GRID1: variants seen among roughly 807,000 people sequenced by gnomAD.
GRID1 encodes glutamate ionotropic receptor delta type subunit 1.
A neutral mutation model predicts 98.0 loss-of-function variants in GRID1; 28 were observed. That is an observed-to-expected ratio of 0.29 (90% confidence interval 0.21 to 0.39). The LOEUF is 0.39. GRID1 is among the 10% of genes least tolerant of loss of function. The probability of loss-of-function intolerance (pLI) is 1.00; values close to 1 mark genes in which losing one functional copy is unlikely to be tolerated. For synonymous variants in GRID1, 553 were observed against 538.5 expected, an observed-to-expected ratio of 1.03 and a Z score of -0.37; for missense variants, 1,111 against 1,340.5, an observed-to-expected ratio of 0.83 and a Z score of 2.67.
chr10:85,699,919 G>A (rs146248231), intron 12 of GRID1, among the ~76,000 whole-genome samples: 99 of 152,258 alleles, frequency 6.5e-4, no homozygotes, highest in African/African-American at 2.1e-3. Flanking sequence ...TTAAATTGCA[G>A]TTTATACCAA....
intron 4 of GRID1, among the ~76,000 whole-genome samples, chr10:86,012,874 C>T (rs558005945): frequency 3.3e-5 from 5 of 152,130 alleles, no homozygotes; most frequent in East Asian, 3.8e-4. Flanking sequence ...TGTTTATAAG[C>T]GAAATCATTT....
At chr10:86,126,299 CA>C (rs1311965604) in intron 4 of GRID1, among the ~76,000 whole-genome samples, 1 of 152,080 alleles carries the variant, frequency 6.6e-6, no homozygotes, top group Non-Finnish European at 1.5e-5. Flanking sequence ...ACTAAAAATA[CA>C]AAAAATTAGC....
At chr10:85,878,356 A>G (rs1172811172) in intron 5 of GRID1, among the ~76,000 whole-genome samples, 3 of 152,172 alleles carry the variant, frequency 2.0e-5, no homozygotes, top group Non-Finnish European at 4.4e-5. Flanking sequence ...AAAAATGTTA[A>G]GGGCAGCCAG....
intron 4 of GRID1, among the ~76,000 whole-genome samples, chr10:85,997,819 C>T (rs1477875642): frequency 1.3e-5 from 2 of 151,940 alleles, no homozygotes; most frequent in African/African-American, 2.4e-5. Context: ...ATGTTGCCTA[C>T]AAGAAACTCA....
chr10:85,935,225 G>A (rs1456925082), intron 4 of GRID1, among the ~76,000 whole-genome samples: 1 of 152,152 alleles, frequency 6.6e-6, no homozygotes, highest in East Asian at 1.9e-4. Context: ...CAGAAAATAA[G>A]AGGCTGAGCC....
Position 85,599,788 on chromosome 10 carries a change from T to TAAAAAA in GRID1, c.*2479_*2484dup, listed in dbSNP as rs1220249442. The TAAAAAA allele has an allele frequency of 3.5e-4, 27 of 76,096 alleles. 3 individuals are homozygous for TAAAAAA. The highest frequency in any genetic ancestry group is 1.9e-3 in the African/African-American group (22 of 11,726). 4.7% of individuals were successfully genotyped at this position (76,096 alleles called of 1,614,324 possible). A position where few individuals can be genotyped will look rare whatever the true frequency, so the allele number is the denominator to read the frequency against. On this transcript the variant is annotated 3_prime_UTR_variant, in exon 16 of 16. Coordinates refer to ENST00000327946, the MANE Select transcript of GRID1 (RefSeq NM_017551.3). The stretch of plus-strand genomic sequence containing the variant: ...CCCTCATGCCAAGGGTAGAAAATTC[T>TAAAAAA]AAAAAAAAAAAAAAATATATATATA...
intron 2 of GRID1, among the ~76,000 whole-genome samples, chr10:86,339,431 A>G (rs767093630): frequency 2.0e-5 from 3 of 152,296 alleles, no homozygotes; most frequent in East Asian, 3.9e-4. Context: ...CTCCACCTAC[A>G]CTAATTAACT....
chr10:85,866,802 T>C (rs1312292715), intron 6 of GRID1, among the ~76,000 whole-genome samples: 1 of 152,216 alleles, frequency 6.6e-6, no homozygotes, highest in Non-Finnish European at 1.5e-5. Context: ...ACTAGAGTTA[T>C]CAGGATTTGA....
intron 2 of GRID1, among the ~76,000 whole-genome samples, chr10:86,282,157 A>G (rs997977179): frequency 1.3e-5 from 2 of 152,164 alleles, no homozygotes; most frequent in African/African-American, 4.8e-5. Flanking sequence ...GAAGAATGAA[A>G]TGGGAAAGTG....
intron 12 of GRID1, among the ~76,000 whole-genome samples, chr10:85,696,932 T>C (rs1841401374): frequency 6.6e-6 from 1 of 152,004 alleles, no homozygotes; most frequent in African/African-American, 2.4e-5. Flanking sequence ...TCCTGTGAAG[T>C]TTCTAGATTG....
At chr10:85,806,667 C>T (rs1372588345) in intron 8 of GRID1, among the ~76,000 whole-genome samples, 1 of 152,150 alleles carries the variant, frequency 6.6e-6, no homozygotes, top group Non-Finnish European at 1.5e-5. Flanking sequence ...AACTCAAAAA[C>T]ATTAGGCTAA....
chr10:86,038,427 T>C (rs1366128984), intron 4 of GRID1, among the ~76,000 whole-genome samples: 3 of 152,184 alleles, frequency 2.0e-5, no homozygotes, highest in Non-Finnish European at 4.4e-5. Context: ...GAGGTACAGC[T>C]CTTGGGCTGC....
At chr10:86,060,413 T>C (rs1843632965) in intron 4 of GRID1, among the ~76,000 whole-genome samples, 1 of 152,176 alleles carries the variant, frequency 6.6e-6, no homozygotes, top group Non-Finnish European at 1.5e-5. Context: ...ACCCACAAGA[T>C]AGATCTGAAC....
chr10:85,801,863 C>T (rs974470901), intron 8 of GRID1, among the ~76,000 whole-genome samples: 10 of 151,766 alleles, frequency 6.6e-5, no homozygotes, highest in Non-Finnish European at 1.3e-4. Flanking sequence ...TTTCAGATTA[C>T]GTGTTTATAT....
intron 4 of GRID1, among the ~76,000 whole-genome samples, chr10:85,958,939 G>A (rs866018613): frequency 1.4e-5 from 2 of 143,930 alleles, no homozygotes; most frequent in East Asian, 2.0e-4. Flanking sequence ...CCTGAGCTAT[G>A]AGAGTGAAAC....
chr10:85,682,929 G>T (rs1841227140), intron 12 of GRID1, among the ~76,000 whole-genome samples: 1 of 152,200 alleles, frequency 6.6e-6, no homozygotes, highest in South Asian at 2.1e-4. Context: ...CACATGGCTA[G>T]GAAGCCTTTC....
chr10:85,647,499 T>C (rs1215935947), intron 12 of GRID1, 102 bp from the exon 13 acceptor site: 7 of 852,476 alleles, frequency 8.2e-6, no homozygotes, highest in Admixed American at 2.0e-5. Context: ...AAGCCCGGCA[T>C]GGCCCACTAT....
intron 14 of GRID1, among the ~76,000 whole-genome samples, chr10:85,619,321 C>T (rs1166654648): frequency 2.0e-5 from 3 of 152,212 alleles, no homozygotes. Flanking sequence ...TCAGAGGCCC[C>T]ATACAGCCAC....
At chr10:86,053,332 C>T (rs183316154) in intron 4 of GRID1, among the ~76,000 whole-genome samples, 9 of 151,710 alleles carry the variant, frequency 5.9e-5, no homozygotes, top group African/African-American at 2.2e-4. Context: ...ATCTACTTGT[C>T]TCGATTCTTT....
Sources: allele counts gnomAD v4.1 joint callset (sites outside exome capture counted in the v4.1 genomes callset), GRCh38; gene constraint gnomAD v4.1.1; transcripts MANE v1.5; gene names NCBI Gene and HGNC (gene_info 2026-07-23, HGNC 2026-07-21).